Variants in PREX2 observed in about 807,000 individuals in gnomAD.
PREX2 encodes phosphatidylinositol 3,4,5-trisphosphate-dependent Rac exchanger 2 protein.
PREX2 carries 107 observed loss-of-function variants against 203.2 expected under a neutral mutation model. That is an observed-to-expected ratio of 0.53 (90% CI 0.45 to 0.62). The LOEUF (loss-of-function observed/expected upper bound fraction) is 0.62. Among genes scored for constraint, PREX2 ranks in the 20% least tolerant of loss-of-function variants. The probability of loss-of-function intolerance (pLI) is 0.00; values close to 1 mark genes in which losing one functional copy is unlikely to be tolerated. For missense variants in PREX2, 1,777 were observed against 1,955.9 expected (o/e 0.91, Z 1.72); for synonymous variants, 672 against 663.6 (o/e 1.01, Z -0.19).
chr8:68,115,831 T>C lies in PREX2; in HGVS notation c.3225T>C (p.Asn1075=). 2.5e-6 allele frequency: 4 copies of C among 1,613,572 alleles called. No homozygotes were observed. Among genetic ancestry groups the C allele is most frequent in the Non-Finnish European group, 3.4e-6 (4 of 1,179,798 alleles). ...SEGIIPTDSD[N]EKGERNSKRV... The stretch of plus-strand genomic sequence containing the variant: ...GCATAATACCAACAGACAGTGACAA[T>C]GAGAAGGGAGAAAGAAACAGCAAAC... Residue 1075 remains asparagine (N), a synonymous_variant, in exon 26 of 40, where the codon AAT becomes AAC. Transcript: ENST00000288368.
chr8:68,038,272 G>A lies in PREX2; in HGVS notation c.819G>A (p.Val273=), dbSNP rs1808094743. The part of the protein sequence containing the change: ...RVFFLFDNLL[V]YCKRKHRRLK... ...TTTTTCTTTTCGATAATCTTTTGGT[G>A]TACTGCAAAAGAAAACACAGGTAAG... Residue 273 remains valine, a synonymous_variant, in exon 7 of 40, where the codon GTG becomes GTA. Coordinates refer to ENST00000288368, the MANE Select transcript of PREX2 (RefSeq NM_024870.4). 1.2e-6 allele frequency: 2 copies of A among 1,613,602 alleles called. No individual in the cohort carries two copies. The highest frequency in any genetic ancestry group is 2.2e-5 in the South Asian group (2 of 91,072).
intron 1 of PREX2, among the ~76,000 whole-genome samples, chr8:68,006,321 A>C (rs2129609868): frequency 1.3e-5 from 2 of 152,352 alleles, no homozygotes; most frequent in East Asian, 3.9e-4. Context: ...CTGTCTCAAC[A>C]GTGTACATCC....
Position 68,054,393 on chromosome 8 carries a change from AACG to A in PREX2, c.1093+1149_1093+1151del, listed in dbSNP as rs764022109. Among the ~76,000 whole-genome samples the A allele has an allele frequency of 2.0e-5, 3 of 150,068 alleles. No individual in the cohort carries two copies. In the East Asian group the frequency reaches 5.8e-4, roughly 29 times the overall value. Reference sequence around the variant, plus strand: ...AAACAAAACAAAATAAAAACCCCCAAACGAGAAGAAGCACATTCTCTAAAACTG... The same window carrying A: ...AAACAAAACAAAATAAAAACCCCCAAAGAAGAAGCACATTCTCTAAAACTG... On this transcript the variant is annotated intron_variant, in intron 9 of 39. Coordinates refer to ENST00000288368, the MANE Select transcript of PREX2 (RefSeq NM_024870.4).
intron 37 of PREX2, among the ~76,000 whole-genome samples, chr8:68,195,920 G>A (rs1456064224): frequency 3.9e-5 from 6 of 152,094 alleles, no homozygotes; most frequent in Admixed American, 1.3e-4. Context: ...TTTTTGGAAC[G>A]AAAAGGCAGA....
chr8:67,961,016 G>T (rs1394429280), intron 1 of PREX2, among the ~76,000 whole-genome samples: 1 of 150,168 alleles, frequency 6.7e-6, no homozygotes, highest in South Asian at 2.1e-4. Context: ...TTAAACCATG[G>T]TGCAAATAGT....
chr8:68,211,109 C>T (rs1285266398), intron 37 of PREX2, among the ~76,000 whole-genome samples: 1 of 152,118 alleles, frequency 6.6e-6, no homozygotes, highest in African/African-American at 2.4e-5. Context: ...CCTGACCTTC[C>T]TTTAGTTCTA....
intron 37 of PREX2, among the ~76,000 whole-genome samples, chr8:68,201,671 T>C (rs932329189): frequency 2.0e-5 from 3 of 152,156 alleles, no homozygotes; most frequent in Admixed American, 6.5e-5. Flanking sequence ...GACTCAAATG[T>C]TAATCTCTTT....
intron 1 of PREX2, among the ~76,000 whole-genome samples, chr8:67,990,030 G>T (rs1806551858): frequency 6.6e-6 from 1 of 151,888 alleles, no homozygotes; most frequent in Admixed American, 6.6e-5. Flanking sequence ...GTGTTGCTCA[G>T]GCTGGAGTGC....
chr8:68,124,213 C>T (rs1400057593), intron 30 of PREX2, among the ~76,000 whole-genome samples: 1 of 152,066 alleles, frequency 6.6e-6, no homozygotes, highest in Non-Finnish European at 1.5e-5. Context: ...GGACTGCTCA[C>T]AATACCAAAG....
intron 1 of PREX2, among the ~76,000 whole-genome samples, chr8:67,970,376 T>C (rs1437093399): frequency 6.6e-6 from 1 of 152,220 alleles, no homozygotes; most frequent in Non-Finnish European, 1.5e-5. Flanking sequence ...CCTATTCATA[T>C]GAAGAAATAG....
rs181387124 is a variant in PREX2 at position 68,194,739 on chromosome 8, C to T, written c.4604+2214C>T. Among the ~76,000 whole-genome samples the T allele has an allele frequency of 2.4e-3, 357 of 151,036 alleles. 1 individual carries two copies. Among genetic ancestry groups the T allele is most frequent in the African/African-American group, 8.3e-3 (341 of 41,122 alleles). On this transcript the variant is annotated intron_variant, in intron 37 of 39. Transcript: ENST00000288368. The stretch of plus-strand genomic sequence containing the variant: ...TCGCTTGAATCTGGGAGGCGGAGGT[C>T]GCAGTGAGCGGAGATCATGTCACTG...
intron 11 of PREX2, among the ~76,000 whole-genome samples, chr8:68,063,871 G>T (rs777797271): frequency 6.6e-6 from 1 of 152,160 alleles, no homozygotes; most frequent in East Asian, 1.9e-4. Flanking sequence ...AGAGGTATGA[G>T]CCAAATGTGC....
intron 22 of PREX2, among the ~76,000 whole-genome samples, chr8:68,097,433 T>C (rs931031856): frequency 1.3e-5 from 2 of 152,002 alleles, no homozygotes; most frequent in Non-Finnish European, 2.9e-5. Flanking sequence ...CAAGCAATTC[T>C]CATGCCTCAG....
At chr8:68,166,606 T>C (rs1811765721) in intron 35 of PREX2, among the ~76,000 whole-genome samples, 1 of 152,190 alleles carries the variant, frequency 6.6e-6, no homozygotes, top group Admixed American at 6.5e-5. Context: ...TTAAGTCCAA[T>C]CTTGCAAAAA....
chr8:68,036,857 C>T (rs1032932595), intron 6 of PREX2, among the ~76,000 whole-genome samples: 4 of 152,074 alleles, frequency 2.6e-5, no homozygotes, highest in African/African-American at 7.2e-5. Context: ...GCAGGAGAAT[C>T]GCTTTCCAGG....
chr8:68,030,384 C>T (rs1807846593), intron 5 of PREX2, 113 bp from the exon 6 acceptor site: 1 of 905,638 alleles, frequency 1.1e-6, no homozygotes, highest in African/African-American at 1.7e-5. Context: ...TGTGATGTCA[C>T]TTATGGAAGT....
At chr8:68,213,888 A>G (rs1458455248) in intron 37 of PREX2, among the ~76,000 whole-genome samples, 2 of 152,160 alleles carry the variant, frequency 1.3e-5, no homozygotes, top group African/African-American at 2.4e-5. Context: ...TTGCCTTTTT[A>G]TGAAGGACAA....
At chr8:68,059,890 A>G (rs1808795666) in intron 10 of PREX2, among the ~76,000 whole-genome samples, 2 of 152,298 alleles carry the variant, frequency 1.3e-5, no homozygotes, top group South Asian at 4.1e-4. Context: ...CTCCATCTTC[A>G]GAGCTGGCAG....
intron 6 of PREX2, among the ~76,000 whole-genome samples, chr8:68,036,760 A>G (rs1481106097): frequency 6.6e-6 from 1 of 152,130 alleles, no homozygotes; most frequent in Non-Finnish European, 1.5e-5. Flanking sequence ...TGCCTGACCG[A>G]CATGGAGAAA....
Sources: gnomAD v4.1 joint callset for allele counts (sites outside exome capture counted in the v4.1 genomes callset) on GRCh38, gnomAD v4.1.1 for gene constraint, MANE v1.5 for transcripts, NCBI Gene and HGNC (gene_info 2026-07-23, HGNC 2026-07-21) for gene names.